The following AMBP variants were observed in gnomAD, a reference collection of about 807,000 sequenced individuals.
AMBP encodes alpha-1-microglobulin/bikunin precursor, also known as protein AMBP.
In AMBP, 37 loss-of-function variants were observed where a neutral mutation model predicts 46.3. That is an observed-to-expected ratio of 0.80 (90% CI 0.61 to 1.05). AMBP has a LOEUF of 1.05. Ranked by LOEUF, AMBP falls within the 50% of genes least tolerant of loss-of-function variation. The pLI is 0.00. For synonymous variants in AMBP, 174 were observed against 175.9 expected (o/e 0.99, Z 0.09); for missense variants, 475 against 461.2 (o/e 1.03, Z -0.27).
rs535072502 is a variant in AMBP at position 114,078,094 on chromosome 9, C to T, written c.116G>A (p.Arg39Gln). 6.8e-6 allele frequency: 11 copies of T among 1,614,052 alleles called. No individual in the cohort carries two copies. The highest frequency in any genetic ancestry group is 3.3e-5 in the South Asian group (3 of 91,074). Residue 39 changes from arginine (R) to glutamine (Q), a missense_variant and splice_region_variant, in exon 1 of 10, where the codon CGG (arginine) becomes CAG (glutamine). Physicochemically the swap from Arg to Gln is conservative, Grantham distance 43. This residue lies in a region of AMBP where 179 missense variants were observed against 167.4 expected (regional missense o/e 1.07). Transcript: ENST00000265132. ...TACCACAGAGAGCGGCAGCCTTACC[C>T]GAGAGATATTGAAGTTTTCCTGCAC... ...IQVQENFNIS[R>Q]IYGKWYNLAI...
At chr9:114,070,395 G>T (rs1425200213) in intron 5 of AMBP, among the ~76,000 whole-genome samples, 2 of 152,178 alleles carry the variant, frequency 1.3e-5, no homozygotes, top group Non-Finnish European at 2.9e-5. Context: ...CAGAGCCTCT[G>T]TTGCTCCACA....
chr9:114,072,308 T>C (rs1846753668), intron 5 of AMBP, among the ~76,000 whole-genome samples: 1 of 152,108 alleles, frequency 6.6e-6, no homozygotes, highest in African/African-American at 2.4e-5. Context: ...GGTCCAGCCA[T>C]ACCCTTACAG....
chr9:114,073,065 G>C (rs1480955181), intron 4 of AMBP, 39 bp from the exon 5 acceptor site: 10 of 1,575,588 alleles, frequency 6.3e-6, no homozygotes, highest in Non-Finnish European at 7.8e-6. Flanking sequence ...AGAACCACCA[G>C]GTGCTTGGAG....
intron 5 of AMBP, among the ~76,000 whole-genome samples, chr9:114,071,200 C>T (rs939439978): frequency 6.6e-6 from 1 of 152,242 alleles, no homozygotes; most frequent in African/African-American, 2.4e-5. Flanking sequence ...GGCATTTCTG[C>T]ACTCTCAGGG....
chr9:114,074,070 G>T lies in AMBP; in HGVS notation c.420C>A (p.Arg140=). ...TGGCAGTAATGGTGGGTCCATGATG[G>T]CGGCTGAATTTCTTGGTCAGGAAAA... ...YAIFLTKKFS[R]HHGPTITAKL... is the part of the protein sequence containing the mutation. The change falls in exon 4 of 10, where the codon CGC becomes CGA. Residue 140 remains arginine (R), a synonymous_variant. Coordinates refer to ENST00000265132, the MANE Select transcript of AMBP (RefSeq NM_001633.4). The T allele has an allele frequency of 6.2e-7, 1 of 1,614,190 alleles. No homozygotes were observed. Among genetic ancestry groups the T allele is most frequent in the Non-Finnish European group, 8.5e-7 (1 of 1,180,030 alleles).
intron 5 of AMBP, chr9:114,070,055 A>C: frequency 2.8e-6 from 1 of 361,974 alleles, no homozygotes; most frequent in Non-Finnish European, 5.0e-6. Flanking sequence ...ATTGTACTTA[A>C]TGGTTTTATT....
intron 5 of AMBP, 99 bp from the exon 6 acceptor site, chr9:114,069,844 C>T (rs1361671212): frequency 4.0e-6 from 5 of 1,257,006 alleles, no homozygotes; most frequent in Admixed American, 1.7e-5. Flanking sequence ...GTGCTGGGAA[C>T]TTGTCGTGCC....
rs80269185 is a variant in AMBP, at chr9:114,075,427, A to C, written c.261-391T>G. ...CTTGCCCCAGTTTTCTCATTTATAA[A>C]ATGGGGATCATGATAGTTTCTACCT... On this transcript the variant is annotated intron_variant, in intron 2 of 9. Transcript: ENST00000265132. Among the ~76,000 whole-genome samples the C allele has an allele frequency of 3.3e-5, 5 of 152,358 alleles. No individual in the cohort carries two copies. In the East Asian group the frequency reaches 9.6e-4, roughly 29 times the overall value.
At chr9:114,078,059 A>G in intron 1 of AMBP, 34 bp downstream of exon 1, 1 of 1,610,248 alleles carries the variant, frequency 6.2e-7, no homozygotes, top group South Asian at 1.1e-5. Context: ...CCCCATCACC[A>G]CATCCACCCT....
intron 6 of AMBP, 96 bp from the exon 7 acceptor site, chr9:114,062,854 G>C (rs1486844162): frequency 8.0e-7 from 1 of 1,254,734 alleles, no homozygotes; most frequent in East Asian, 2.3e-5. Context: ...CTTGCTTTGG[G>C]AATCAGGGTA....
In AMBP at chr9:114,074,245, C is replaced by T. The variant is rs567826956; in HGVS notation, c.338-93G>A. ...CACCTGTTTACTCACACATCATCTCCTCATCCATCCATCTATCCACCCATG... is the reference window on the plus strand; with the variant it reads ...CACCTGTTTACTCACACATCATCTCTTCATCCATCCATCTATCCACCCATG... On this transcript the variant is annotated intron_variant, in intron 3 of 9. Transcript: ENST00000265132. 2.2e-5 allele frequency: 20 copies of T among 904,914 alleles called. No homozygotes were observed. In the African/African-American group the frequency reaches 3.1e-4, roughly 14 times the overall value. 56.1% of individuals were successfully genotyped at this position (904,914 alleles called of 1,614,324 possible).
chr9:114,064,644 C>G (rs1395969209), intron 6 of AMBP, among the ~76,000 whole-genome samples: 1 of 150,076 alleles, frequency 6.7e-6, no homozygotes, highest in South Asian at 2.2e-4. Context: ...AGTTCTCCCC[C>G]CAATACCTAA....
Position 114,076,546 on chromosome 9 carries a change from G to A in AMBP, c.260+52C>T, listed in dbSNP as rs1305012128. 3.1e-6 allele frequency: 5 copies of A among 1,598,702 alleles called. No individual in the cohort carries two copies. The East Asian group carries it at 8.9e-5, about 29-fold the overall frequency. On this transcript the variant is annotated intron_variant, in intron 2 of 9. Transcript: ENST00000265132. ...TCCCAGGATGGACGGGGCTGGGAAG[G>A]TTGTGGGTCTCTGGGTCTCTCTCAG...
intron 2 of AMBP, among the ~76,000 whole-genome samples, chr9:114,076,060 A>G (rs1026083431): frequency 3.9e-5 from 6 of 151,988 alleles, no homozygotes; most frequent in Non-Finnish European, 7.4e-5. Context: ...GGAGTCATGG[A>G]AGGGTCTCGA....
chr9:114,060,325 G>C, intron 9 of AMBP, 55 bp from the exon 10 acceptor site: 3 of 1,599,058 alleles, frequency 1.9e-6, no homozygotes, highest in Middle Eastern at 3.3e-4. Flanking sequence ...ACTCAGGGAA[G>C]GGAAAGCAGC....
chr9:114,074,248 A>T, intron 3 of AMBP, 96 bp from the exon 4 acceptor site: 1 of 872,906 alleles, frequency 1.1e-6, no homozygotes, highest in South Asian at 1.5e-5. Flanking sequence ...TCATCTCCTC[A>T]TCCATCCATC....
intron 6 of AMBP, 89 bp from the exon 7 acceptor site, chr9:114,062,847 G>T: frequency 4.5e-6 from 6 of 1,335,912 alleles, no homozygotes; most frequent in African/African-American, 1.4e-5. Context: ...TGAACAACTT[G>T]CTTTGGGAAT....
intron 8 of AMBP, 152 bp from the exon 9 acceptor site, chr9:114,061,250 A>T (rs1238442575): frequency 7.2e-7 from 1 of 1,396,222 alleles, no homozygotes; most frequent in Admixed American, 2.3e-5. Context: ...GAAGAAAATG[A>T]TTTGCCCGAG....
Position 114,069,782 on chromosome 9 carries a change from G to A in AMBP, c.557-37C>T, listed in dbSNP as rs1308393760. The A allele has an allele frequency of 4.3e-6, 7 of 1,611,182 alleles. No homozygotes were observed. The African/African-American group carries it at 8.0e-5, about 18-fold the overall frequency. On this transcript the variant is annotated intron_variant, in intron 5 of 9. Coordinates refer to ENST00000265132, the MANE Select transcript of AMBP (RefSeq NM_001633.4). ...AGCAGGAGAGAGGAGTGAATAACAG[G>A]ACCAGGCCCAGGGGCCATCCTAGAC...
Sources: allele counts gnomAD v4.1 joint callset (sites outside exome capture counted in the v4.1 genomes callset), GRCh38; gene constraint gnomAD v4.1.1; regional missense constraint gnomAD v4.1.1; transcripts MANE v1.5; gene names NCBI Gene and HGNC (gene_info 2026-07-23, HGNC 2026-07-21).